The following IP6K3 variants were observed in gnomAD, a reference collection of about 807,000 sequenced individuals.
IP6K3 encodes inositol hexakisphosphate kinase 3, also known as ATP:1D-myo-inositol-hexakisphosphate phosphotransferase.
A neutral mutation model predicts 28.8 loss-of-function variants in IP6K3; 20 were observed. The observed-to-expected ratio is 0.70, with a 90% confidence interval of 0.49 to 1.01. The LOEUF (loss-of-function observed/expected upper bound fraction) is 1.01. Among genes scored for constraint, IP6K3 ranks in the 50% least tolerant of loss-of-function variants. The pLI is 0.00. For missense variants in IP6K3, 480 were observed against 537.1 expected (o/e 0.89, Z 1.05); for synonymous variants, 213 against 221.3 (o/e 0.96, Z 0.33).
intron 1 of IP6K3, among the ~76,000 whole-genome samples, chr6:33,741,212 G>A (rs1291399637): frequency 6.6e-6 from 1 of 152,206 alleles, no homozygotes. Context: ...TGGATATATA[G>A]CATTATGGAA....
chr6:33,749,168 G>T (rs73743401), upstream of IP6K3, among the ~76,000 whole-genome samples: 8,127 of 152,208 alleles, frequency 0.053, 232 homozygotes, highest in African/African-American at 0.059. Flanking sequence ...TGAGCAAGAT[G>T]GCCAGTGAGT....
chr6:33,736,260 G>A (rs918610593), intron 1 of IP6K3, among the ~76,000 whole-genome samples: 1 of 152,178 alleles, frequency 6.6e-6, no homozygotes, highest in Admixed American at 6.5e-5. Context: ...TGCAGAGACT[G>A]TATCTTAACT....
At chr6:33,762,016 TCAG>T in the IP6K3 span, among the ~76,000 whole-genome samples, 8 of 152,042 alleles carry the variant, frequency 5.3e-5, no homozygotes, top group African/African-American at 1.9e-4. Flanking sequence ...GAGAGCCTGG[TCAG>T]CAGGCCCCAT....
chr6:33,741,101 A>G (rs538129172), intron 1 of IP6K3, among the ~76,000 whole-genome samples: 39 of 152,294 alleles, frequency 2.6e-4, no homozygotes, highest in African/African-American at 7.7e-4. Context: ...GGGAACTTCA[A>G]GAGATGTTCC....
At chr6:33,752,101 G>A in the IP6K3 span, among the ~76,000 whole-genome samples, 5 of 152,130 alleles carry the variant, frequency 3.3e-5, no homozygotes, top group African/African-American at 7.2e-5. Context: ...CCAGGACAGT[G>A]CTCAAGAAGT....
chr6:33,743,461 CA>C (rs1362634860), intron 1 of IP6K3, among the ~76,000 whole-genome samples: 2 of 152,050 alleles, frequency 1.3e-5, no homozygotes, highest in South Asian at 2.1e-4. Context: ...TGAGAGGACC[CA>C]AAAACCATTT....
chr6:33,729,589 C>A (rs538925672), intron 2 of IP6K3, among the ~76,000 whole-genome samples: 7 of 152,364 alleles, frequency 4.6e-5, no homozygotes, highest in Admixed American at 2.0e-4. Context: ...CTGTGTTCCT[C>A]TGTGGCCCTC....
upstream of IP6K3, among the ~76,000 whole-genome samples, chr6:33,751,856 C>T (rs888388210): frequency 9.2e-5 from 14 of 152,190 alleles, no homozygotes; most frequent in African/African-American, 2.9e-4. The surrounding 1 kb of genome is among the most constrained non-coding windows in gnomAD (Gnocchi z 4.3). Context: ...CAGCCAAGCC[C>T]GGCGCCATGT....
At position 33,728,119 on chromosome 6, in the gene IP6K3, C is replaced by T. The variant is rs768093532; in HGVS notation, c.381G>A (p.Pro127=). The T allele has an allele frequency of 1.5e-5, 24 of 1,607,318 alleles. No individual in the cohort carries two copies. Among genetic ancestry groups the T allele is most frequent in the Admixed American group, 8.3e-5 (5 of 59,984 alleles). ...TGGGTGAGCGTGCCAGCTGGGCATGCGGCCACTGGGCAAGGGTGCAGTCGC... is the reference window on the plus strand; with the variant it reads ...TGGGTGAGCGTGCCAGCTGGGCATGTGGCCACTGGGCAAGGGTGCAGTCGC... The part of the protein sequence containing the change: ...NGSDCTLAQW[P]HAQLARSPKE... Residue 127 remains proline (P), a synonymous_variant, in exon 3 of 6, where the codon CCG becomes CCA. Transcript: ENST00000293756.
the IP6K3 span, among the ~76,000 whole-genome samples, chr6:33,753,292 G>A: frequency 6.6e-6 from 1 of 152,150 alleles, no homozygotes; most frequent in East Asian, 1.9e-4. Flanking sequence ...CTGTGATTTC[G>A]GATTATGTCT....
At chr6:33,755,690 C>T in the IP6K3 span, among the ~76,000 whole-genome samples, 3 of 152,238 alleles carry the variant, frequency 2.0e-5, no homozygotes, top group Non-Finnish European at 4.4e-5. Context: ...GGGGGTCCCC[C>T]CCGCTGTGAG....
chr6:33,732,754 A>G (rs1019964894), intron 2 of IP6K3, among the ~76,000 whole-genome samples: 2 of 152,178 alleles, frequency 1.3e-5, no homozygotes, highest in Non-Finnish European at 2.9e-5. Context: ...AGTGCACGGA[A>G]GCTGCTTATA....
At chr6:33,741,866 G>A (rs1337887180) in intron 1 of IP6K3, among the ~76,000 whole-genome samples, 8 of 151,658 alleles carry the variant, frequency 5.3e-5, no homozygotes, top group African/African-American at 1.2e-4. Flanking sequence ...CAGGAGAATC[G>A]CTTGAACCTG....
At position 33,722,492 on chromosome 6, in the gene IP6K3, T is replaced by G. The variant is rs1204529286; in HGVS notation, c.*228A>C. On this transcript the variant is annotated 3_prime_UTR_variant, in exon 6 of 6. Transcript: ENST00000293756. ...AAGGTGCCACTTTATCCTGGCTGTC[T>G]GTTCTCCGATGAGCAGCATTAGAGC... 2.6e-6 allele frequency: 1 copy of G among 392,056 alleles called. No individual in the cohort carries two copies. The highest frequency in any genetic ancestry group is 4.5e-6 in the Non-Finnish European group (1 of 219,810). The allele number at this position is 392,056 out of a possible 1,614,324, so 24.3% of individuals were successfully genotyped here. A position where few individuals can be genotyped will look rare whatever the true frequency, so the allele number is the denominator to read the frequency against.
chr6:33,753,564 C>T, the IP6K3 span, among the ~76,000 whole-genome samples: 1 of 152,144 alleles, frequency 6.6e-6, no homozygotes, highest in African/African-American at 2.4e-5. Flanking sequence ...AAGAGCATGG[C>T]ATTTCTGGAA....
At chr6:33,755,688 C>T in the IP6K3 span, among the ~76,000 whole-genome samples, 4 of 152,230 alleles carry the variant, frequency 2.6e-5, no homozygotes, top group Non-Finnish European at 5.9e-5. Flanking sequence ...CTGGGGGTCC[C>T]CCCCGCTGTG....
chr6:33,753,461 G>C, the IP6K3 span, among the ~76,000 whole-genome samples: 1 of 152,208 alleles, frequency 6.6e-6, no homozygotes. Flanking sequence ...ATCCAAGCTG[G>C]GCCTTGAAGG....
At chr6:33,748,588 A>T (rs1041727176), upstream of IP6K3, among the ~76,000 whole-genome samples, 4 of 147,232 alleles carry the variant, frequency 2.7e-5, no homozygotes, top group Admixed American at 2.8e-4. Flanking sequence ...GTGGTAAGCC[A>T]TAATTGATCA....
chr6:33,735,471 A>T lies in IP6K3; in HGVS notation c.6T>A (p.Val2=). 1 of 1,608,874 alleles carries T rather than the reference A, an allele frequency of 6.2e-7. No homozygotes were observed. Among genetic ancestry groups the T allele is most frequent in the Non-Finnish European group, 8.5e-7 (1 of 1,179,824 alleles). The stretch of plus-strand genomic sequence containing the variant: ...CCCCGGCGTCTGCGCTGTTTTGCAC[A>T]ACCATGGCGGCAGATGGTGGTGGTG... M[V]VQNSADAGDM... is the part of the protein sequence containing the mutation. The change falls in exon 2 of 6, where the codon GTT becomes GTA. Residue 2 remains valine, a synonymous_variant. Transcript: ENST00000293756.
Sources: gnomAD v4.1 joint callset for allele counts (sites outside exome capture counted in the v4.1 genomes callset) on GRCh38, gnomAD v4.1.1 for gene constraint, Gnocchi (gnomAD v3.1) non-coding constraint, MANE v1.5 for transcripts, NCBI Gene and HGNC (gene_info 2026-07-23, HGNC 2026-07-21) for gene names.